The following DYNC1I1 variants were observed in gnomAD, a reference collection of about 807,000 sequenced individuals.
DYNC1I1 encodes cytoplasmic dynein 1 intermediate chain 1.
A neutral mutation model predicts 86.6 loss-of-function variants in DYNC1I1; 43 were observed. That is an observed-to-expected ratio of 0.50 (90% CI 0.39 to 0.64). The LOEUF (loss-of-function observed/expected upper bound fraction) is 0.64. DYNC1I1 is among the 30% of genes least tolerant of loss of function. The probability of loss-of-function intolerance (pLI) is 0.00; values close to 1 mark genes in which losing one functional copy is unlikely to be tolerated. For synonymous variants in DYNC1I1, 262 were observed against 283.7 expected, an observed-to-expected ratio of 0.92 and a Z score of 0.77; for missense variants, 604 against 788.8, an observed-to-expected ratio of 0.77 and a Z score of 2.81.
At chr7:96,021,242 CAACTT>C (rs1371121805) in intron 10 of DYNC1I1, among the ~76,000 whole-genome samples, 1 of 152,034 alleles carries the variant, frequency 6.6e-6, no homozygotes, top group Non-Finnish European at 1.5e-5. Flanking sequence ...TGCAAACAAA[CAACTT>C]AAGGCTTAAA....
intron 6 of DYNC1I1, among the ~76,000 whole-genome samples, chr7:95,930,314 A>G (rs1791857427): frequency 1.3e-5 from 2 of 152,198 alleles, no homozygotes; most frequent in African/African-American, 2.4e-5. Flanking sequence ...TTACTTGTCA[A>G]TCTAACTTGT....
chr7:95,973,187 T>C (rs1793218110), intron 6 of DYNC1I1, among the ~76,000 whole-genome samples: 1 of 152,214 alleles, frequency 6.6e-6, no homozygotes, highest in Admixed American at 6.5e-5. Context: ...TTTAACTGTT[T>C]TGAAAATGGT....
At chr7:96,085,723 GT>G (rs1563000049) in intron 16 of DYNC1I1, among the ~76,000 whole-genome samples, 16 of 152,190 alleles carry the variant, frequency 1.1e-4, no homozygotes, top group African/African-American at 3.9e-4. Context: ...TACATAGACA[GT>G]GGTTGCATGC....
rs186051269 is a variant in DYNC1I1, at chr7:96,025,436, A to T, written c.970-2739A>T. On this transcript the variant is annotated intron_variant, in intron 10 of 16. Transcript: ENST00000447467. ...TCATCTTCCAAACAGAAAATGAAAA[A>T]AAAAAGTCTAATCTTATTTATCATG... 1.8e-3 allele frequency among the ~76,000 whole-genome samples: 272 copies of T among 152,314 alleles called. 2 individuals are homozygous for T. The highest frequency in any genetic ancestry group is 6.1e-3 in the African/African-American group (254 of 41,572).
intron 16 of DYNC1I1, among the ~76,000 whole-genome samples, chr7:96,090,955 G>T (rs1408123682): frequency 1.3e-5 from 2 of 152,174 alleles, no homozygotes; most frequent in African/African-American, 4.8e-5. Context: ...GTTAAATACA[G>T]TGGGGCTGTA....
At chr7:95,953,675 G>A (rs1010472269) in intron 6 of DYNC1I1, among the ~76,000 whole-genome samples, 2 of 152,190 alleles carry the variant, frequency 1.3e-5, no homozygotes, top group African/African-American at 4.8e-5. Context: ...TTGAATTCAT[G>A]TTAGCAGCGT....
chr7:95,978,462 G>A (rs1793365919), intron 7 of DYNC1I1, among the ~76,000 whole-genome samples: 1 of 152,342 alleles, frequency 6.6e-6, no homozygotes, highest in Admixed American at 6.5e-5. Context: ...AGCCCATGGA[G>A]ACAGAAGAGA....
chr7:95,814,201 C>T (rs1794898633), intron 4 of DYNC1I1, among the ~76,000 whole-genome samples: 1 of 152,128 alleles, frequency 6.6e-6, no homozygotes, highest in African/African-American at 2.4e-5. Context: ...AATTTTTCCG[C>T]ATTTTCCAGT....
intron 6 of DYNC1I1, among the ~76,000 whole-genome samples, chr7:95,881,091 T>A (rs1481057660): frequency 6.6e-6 from 1 of 152,216 alleles, no homozygotes; most frequent in Non-Finnish European, 1.5e-5. Flanking sequence ...CTGAAGATAA[T>A]GTTAATGACC....
At chr7:95,984,299 A>G (rs1584225145) in intron 7 of DYNC1I1, among the ~76,000 whole-genome samples, 2 of 152,192 alleles carry the variant, frequency 1.3e-5, no homozygotes, top group Admixed American at 6.5e-5. Context: ...TTATATAACA[A>G]TCAGTCAGCC....
At chr7:95,891,060 C>A (rs1484412913) in intron 6 of DYNC1I1, among the ~76,000 whole-genome samples, 1 of 152,050 alleles carries the variant, frequency 6.6e-6, no homozygotes, top group Admixed American at 6.6e-5. Context: ...TTAGAGTGGG[C>A]CTTCATCCAA....
At chr7:95,879,248 G>A (rs1790388221) in intron 6 of DYNC1I1, among the ~76,000 whole-genome samples, 1 of 152,026 alleles carries the variant, frequency 6.6e-6, no homozygotes, top group African/African-American at 2.4e-5. Flanking sequence ...TTAAATAGCA[G>A]TGATATAAAA....
chr7:96,091,633 G>T (rs1243499179), intron 16 of DYNC1I1, among the ~76,000 whole-genome samples: 2 of 152,176 alleles, frequency 1.3e-5, no homozygotes, highest in South Asian at 2.1e-4. Context: ...CACTGGGATG[G>T]TGAAAGTTAC....
intron 6 of DYNC1I1, among the ~76,000 whole-genome samples, chr7:95,895,929 C>T (rs1309429959): frequency 6.6e-6 from 1 of 152,212 alleles, no homozygotes; most frequent in Non-Finnish European, 1.5e-5. Context: ...GATGGACCCT[C>T]AGTTCAGAGT....
At chr7:96,040,716 G>GTTTTTTTTTTTTTTTTTTT (rs61104103) in intron 14 of DYNC1I1, among the ~76,000 whole-genome samples, 1 of 144,806 alleles carries the variant, frequency 6.9e-6, no homozygotes, top group Non-Finnish European at 1.5e-5. Flanking sequence ...CAAATGAGTA[G>GTTTTTTTTTTTTTTTTTTT]TTTTTTTTTT....
intron 6 of DYNC1I1, among the ~76,000 whole-genome samples, chr7:95,950,023 A>G (rs1584192089): frequency 1.3e-5 from 2 of 151,410 alleles, no homozygotes; most frequent in East Asian, 3.9e-4. Context: ...TTTAACTGGT[A>G]TATTAGAAAT....
chr7:95,798,652 C>T (rs1232602639), intron 1 of DYNC1I1, among the ~76,000 whole-genome samples: 2 of 152,146 alleles, frequency 1.3e-5, no homozygotes, highest in Admixed American at 6.5e-5. Context: ...CTTAAAAATA[C>T]ATTTGCATAT....
chr7:95,791,892 C>T (rs1207747056), intron 1 of DYNC1I1, among the ~76,000 whole-genome samples: 1 of 152,126 alleles, frequency 6.6e-6, no homozygotes, highest in African/African-American at 2.4e-5. Flanking sequence ...ATGACTCTCC[C>T]CCGCCATTCC....
chr7:95,905,057 C>T (rs959350262), intron 6 of DYNC1I1, among the ~76,000 whole-genome samples: 8 of 152,188 alleles, frequency 5.3e-5, no homozygotes, highest in African/African-American at 1.9e-4. Flanking sequence ...TGTAAGTTCT[C>T]TAGTTTAAGC....
Sources: gnomAD v4.1 joint callset for allele counts (sites outside exome capture counted in the v4.1 genomes callset) on GRCh38, gnomAD v4.1.1 for gene constraint, MANE v1.5 for transcripts, NCBI Gene and HGNC (gene_info 2026-07-23, HGNC 2026-07-21) for gene names.